C1R: variants seen among roughly 807,000 people sequenced by gnomAD.
C1R encodes complement C1r subcomponent.
C1R carries 15 observed loss-of-function variants against 27.6 expected under a neutral mutation model. That is an observed-to-expected ratio of 0.54 (90% CI 0.36 to 0.84). The LOEUF (loss-of-function observed/expected upper bound fraction) is 0.84, where lower values mean the gene tolerates loss of function less well. Ranked by LOEUF, C1R falls within the 40% of genes least tolerant of loss-of-function variation. The pLI is 0.01. For synonymous variants in C1R, 253 were observed against 228.8 expected (o/e 1.11, Z -0.95); for missense variants, 544 against 577.9 (o/e 0.94, Z 0.60).
In C1R at chr12:7,088,721, G is replaced by A. The variant is rs769707492; in HGVS notation, c.927C>T (p.Cys309=). The change falls in exon 7 of 11, where the codon TGC becomes TGT. Residue 309 remains cysteine, a synonymous_variant. Coordinates refer to ENST00000647956, the MANE Select transcript of C1R (RefSeq NM_001733.7). ...KLRYTTEIIK[C]PQPKTLDEFT... ...ACTCGTCTAGGGTCTTGGGCTGGGG[G>A]CACTTGATGACTGTTGGGGAGACCA... is the stretch of plus-strand genomic sequence containing the variant. 4 of 777,806 alleles carry A rather than the reference G, an allele frequency of 5.1e-6. No individual in the cohort carries two copies. The East Asian group carries it at 9.7e-5, about 19-fold the overall frequency. The allele number at this position is 777,806 out of a possible 1,614,324, so 48.2% of individuals were successfully genotyped here. A position where few individuals can be genotyped will look rare whatever the true frequency, so the allele number is the denominator to read the frequency against.
In C1R at chr12:7,085,205, ATGC is replaced by A. The variant is rs1938130462; in HGVS notation, c.1273+653_1273+655del. On this transcript the variant is annotated intron_variant, in intron 9 of 10. Coordinates refer to ENST00000647956, the MANE Select transcript of C1R (RefSeq NM_001733.7). ...GGTGGTGGTGATAGTGGTGTTGGTA[ATGC>A]TGGTGGTGATAATGGTAGTGGTGAT... 7.3e-5 allele frequency among the ~76,000 whole-genome samples: 10 copies of A among 137,230 alleles called. No individual in the cohort carries two copies. In the South Asian group the frequency reaches 1.9e-3, roughly 27 times the overall value. 90.0% of individuals were successfully genotyped at this position (137,230 alleles called of 152,430 possible). A position where few individuals can be genotyped will look rare whatever the true frequency, so the allele number is the denominator to read the frequency against.
In C1R at chr12:7,081,197, C is replaced by T. The variant is rs1178666137; in HGVS notation, c.1453G>A (p.Gly485Arg). 2.2e-5 allele frequency: 35 copies of T among 1,613,604 alleles called. No homozygotes were observed. Among genetic ancestry groups the T allele is most frequent in the Non-Finnish European group, 2.9e-5 (34 of 1,179,702 alleles). The change falls in exon 11 of 11, where the codon GGG becomes AGG. Residue 485 changes from glycine (G) to arginine (R), a missense_variant. Physicochemically the swap from Gly to Arg is moderately radical, Grantham distance 125 (BLOSUM62 -2). Transcript: ENST00000647956. ...CCCAGCAGGGCCCCGCCCCCGCGCC[C>T]GTGGATGTTGGTGAACACCTGCCAG... Reference protein sequence around the residue: ...FPWQVFTNIHGRGGGALLGDR... With the variant: ...FPWQVFTNIHRRGGGALLGDR...
chr12:7,082,014 C>T lies in C1R; in HGVS notation c.1348+18G>A, dbSNP rs1380258459. The T allele has an allele frequency of 6.5e-7, 1 of 1,536,318 alleles. No homozygotes were observed. Among genetic ancestry groups the T allele is most frequent in the African/African-American group, 1.4e-5 (1 of 73,152 alleles). ...CTGCTAAAGACCCTGATGATGGCCC[C>T]AGAGGGTTTCCACTCACCTGGCAAG... On this transcript the variant is annotated intron_variant, in intron 10 of 10. Transcript: ENST00000647956.
chr12:7,080,515 C>A lies in C1R; in HGVS notation c.*17G>T, dbSNP rs372005388. ...TTCCACACTGCTCTCTGGATTCGAACCTAGTGAATTCTGGGCTCAGTCCTC... is the reference window on the plus strand; with the variant it reads ...TTCCACACTGCTCTCTGGATTCGAAACTAGTGAATTCTGGGCTCAGTCCTC... On this transcript the variant is annotated 3_prime_UTR_variant, in exon 11 of 11. Transcript: ENST00000647956. The surrounding 1 kb of genome is among the most constrained non-coding windows in gnomAD (Gnocchi z 4.9). The A allele has an allele frequency of 1.6e-5, 25 of 1,528,066 alleles. 1 individual carries two copies. The highest frequency in any genetic ancestry group is 9.1e-5 in the East Asian group (4 of 44,128). 94.7% of individuals were successfully genotyped at this position (1,528,066 alleles called of 1,614,324 possible). A position where few individuals can be genotyped will look rare whatever the true frequency, so the allele number is the denominator to read the frequency against.
intron 2 of C1R, 182 bp from the exon 3 acceptor site, chr12:7,090,430 G>C (rs1938249701): frequency 1.8e-5 from 11 of 598,680 alleles, no homozygotes; most frequent in Non-Finnish European, 2.4e-5. Context: ...GCTGTTCCCT[G>C]AGTCTCCCAC....
In C1R at chr12:7,080,492, C is replaced by A; in HGVS notation, c.*40G>T. 5.4e-6 allele frequency: 8 copies of A among 1,468,056 alleles called. No individual in the cohort carries two copies. The highest frequency in any genetic ancestry group is 2.7e-6 in the Non-Finnish European group (3 of 1,105,914). 90.9% of individuals were successfully genotyped at this position (1,468,056 alleles called of 1,614,324 possible). The stretch of plus-strand genomic sequence containing the variant: ...TCAGTTGTTTTTTGTTTTTTTTTTT[C>A]CACACTGCTCTCTGGATTCGAACCT... On this transcript the variant is annotated 3_prime_UTR_variant, in exon 11 of 11. Coordinates refer to ENST00000647956, the MANE Select transcript of C1R (RefSeq NM_001733.7). This position sits in a 1 kb window ranked among gnomAD's most constrained non-coding sequence, Gnocchi z 4.9.
Position 7,085,500 on chromosome 12 carries a change from C to T in C1R, c.1273+361G>A, listed in dbSNP as rs925027031. Among the ~76,000 whole-genome samples, 143 of 148,532 alleles carry T rather than the reference C, an allele frequency of 9.6e-4. 1 individual carries two copies. Among genetic ancestry groups the T allele is most frequent in the African/African-American group, 3.0e-3 (120 of 40,144 alleles). ...GTAACAGTGTTGATTGTGGTGATGG[C>T]GGTGATGGTGGTGATTGTGCTGGCA... On this transcript the variant is annotated intron_variant, in intron 9 of 10. Transcript: ENST00000647956.
At position 7,082,111 on chromosome 12, in the gene C1R, G is replaced by A. The variant is rs182085700; in HGVS notation, c.1274-5C>T. 6.2e-5 allele frequency: 92 copies of A among 1,473,106 alleles called. No individual in the cohort carries two copies. In the East Asian group the frequency reaches 2.1e-3, roughly 34 times the overall value. 91.3% of individuals were successfully genotyped at this position (1,473,106 alleles called of 1,614,324 possible). On this transcript the variant is annotated splice_polypyrimidine_tract_variant and splice_region_variant and intron_variant, in intron 9 of 10. Transcript: ENST00000647956. ...GTGCTGTGCAGGTGTACACCCCTGA[G>A]GGCAGAGGAGGCAAGAATCAAGTTG...
At position 7,092,373 on chromosome 12, in the gene C1R, T is replaced by C; in HGVS notation, c.2+14A>G. 1.3e-6 allele frequency: 1 copy of C among 780,808 alleles called. No individual in the cohort carries two copies. The highest frequency in any genetic ancestry group is 2.4e-5 in the East Asian group (1 of 41,222). The allele number at this position is 780,808 out of a possible 1,614,324, so 48.4% of individuals were successfully genotyped here. On this transcript the variant is annotated intron_variant, in intron 1 of 10. Transcript: ENST00000647956. The stretch of plus-strand genomic sequence containing the variant: ...CTTCTCCCTCCCACCTGGTTGCCCA[T>C]CACCCTTACTCACATTTCTCAAGGC...
intron 8 of C1R, 113 bp downstream of exon 8, chr12:7,086,266 G>A (rs1161928140): frequency 2.5e-6 from 1 of 397,760 alleles, no homozygotes; most frequent in East Asian, 3.6e-5. Flanking sequence ...ACAAGTCAGG[G>A]TGAGGGTCTC....
rs1938287213 is a variant in C1R at position 7,091,927 on chromosome 12, CT to C, written c.3-248del. ...GGCCACCACACTCCCCTCACACTCCCTTTCCAGCCTCCTCCCCTGCCCGGAC... is the reference window on the plus strand; with the variant it reads ...GGCCACCACACTCCCCTCACACTCCCTTCCAGCCTCCTCCCCTGCCCGGAC... On this transcript the variant is annotated intron_variant, in intron 1 of 10. Coordinates refer to ENST00000647956, the MANE Select transcript of C1R (RefSeq NM_001733.7). The surrounding 1 kb of genome is among the most constrained non-coding windows in gnomAD (Gnocchi z 5.1). 11 of 662,084 alleles carry C rather than the reference CT, an allele frequency of 1.7e-5. No individual in the cohort carries two copies. The highest frequency in any genetic ancestry group is 3.1e-5 in the Non-Finnish European group (11 of 360,264). 41.0% of individuals were successfully genotyped at this position (662,084 alleles called of 1,614,324 possible).
At position 7,091,954 on chromosome 12, in the gene C1R, G is replaced by A. The variant is rs752472385; in HGVS notation, c.3-274C>T. 20 of 623,906 alleles carry A rather than the reference G, an allele frequency of 3.2e-5. No individual in the cohort carries two copies. Among genetic ancestry groups the A allele is most frequent in the Admixed American group, 1.1e-4 (5 of 46,178 alleles). The allele number at this position is 623,906 out of a possible 1,614,324, so 38.6% of individuals were successfully genotyped here. ...TTCCAGCCTCCTCCCCTGCCCGGAC[G>A]CGTCCCTCCCCTCCCCTTCCAGGAA... On this transcript the variant is annotated intron_variant, in intron 1 of 10. Transcript: ENST00000647956. This position sits in a 1 kb window ranked among gnomAD's most constrained non-coding sequence, Gnocchi z 5.1.
intron 9 of C1R, among the ~76,000 whole-genome samples, chr12:7,085,325 T>C (rs1454606030): frequency 1.5e-5 from 2 of 132,052 alleles, no homozygotes; most frequent in African/African-American, 5.9e-5. Context: ...GGTGTTAGTG[T>C]TGGTGGTGAT....
intron 9 of C1R, 122 bp from the exon 10 acceptor site, chr12:7,082,228 AG>A: frequency 1.5e-6 from 1 of 685,198 alleles, no homozygotes; most frequent in Non-Finnish European, 2.7e-6. Flanking sequence ...CAACATGGCA[AG>A]GGCCAAAGGT....
chr12:7,090,283 C>G (rs1461224647), intron 2 of C1R, 35 bp from the exon 3 acceptor site: 1 of 711,002 alleles, frequency 1.4e-6, no homozygotes. Flanking sequence ...GGAAGAAGAT[C>G]TGTTGCGGAG....
At position 7,090,891 on chromosome 12, in the gene C1R, A is replaced by G. The variant is rs535783590; in HGVS notation, c.231+561T>C. Among the ~76,000 whole-genome samples the G allele has an allele frequency of 1.1e-3, 168 of 152,274 alleles. 1 individual carries two copies. Among genetic ancestry groups the G allele is most frequent in the Middle Eastern group, 3.4e-3 (1 of 294 alleles). ...GTCATGTAATTCACGCATAATCTCC[A>G]GGGGTCTCCTGGGAATGGTAGTTGT... On this transcript the variant is annotated intron_variant, in intron 2 of 10. Transcript: ENST00000647956.
At chr12:7,088,232 C>G (rs1165791214) in intron 7 of C1R, among the ~76,000 whole-genome samples, 1 of 152,180 alleles carries the variant, frequency 6.6e-6, no homozygotes, top group Non-Finnish European at 1.5e-5. Flanking sequence ...TTAGAATCAC[C>G]TGGGTAGCTT....
At chr12:7,084,767 A>ACAG (rs1938112544) in intron 9 of C1R, among the ~76,000 whole-genome samples, 1 of 143,540 alleles carries the variant, frequency 7.0e-6, no homozygotes, top group Non-Finnish European at 1.5e-5. Context: ...GATGGTGGTG[A>ACAG]TGGTAGTGTT....
intron 5 of C1R, 38 bp downstream of exon 5, chr12:7,089,255 G>T (rs776344318): frequency 1.3e-6 from 1 of 770,866 alleles, no homozygotes; most frequent in Non-Finnish European, 2.4e-6. Flanking sequence ...GCAGACAGAA[G>T]GGGAGGAAGG....
Sources: gnomAD v4.1 joint callset for allele counts (sites outside exome capture counted in the v4.1 genomes callset) on GRCh38, gnomAD v4.1.1 for gene constraint, Gnocchi (gnomAD v3.1) non-coding constraint, MANE v1.5 for transcripts, NCBI Gene and HGNC (gene_info 2026-07-23, HGNC 2026-07-21) for gene names.